The following MSI2 variants were observed in gnomAD, a reference collection of about 807,000 sequenced individuals.
The protein encoded by MSI2 is musashi RNA binding protein 2.
MSI2 carries 17 observed loss-of-function variants against 45.6 expected under a neutral mutation model. That is an observed-to-expected ratio of 0.37 (90% confidence interval 0.26 to 0.56). MSI2 has a LOEUF of 0.56. Ranked by LOEUF, MSI2 falls within the 20% of genes least tolerant of loss-of-function variation. The pLI, the probability that MSI2 is intolerant of heterozygous loss-of-function variation, is 0.77. For synonymous variants in MSI2, 156 were observed against 158.2 expected, an observed-to-expected ratio of 0.99 and a Z score of 0.11; for missense variants, 293 against 444.2, an observed-to-expected ratio of 0.66 and a Z score of 3.06.
At chr17:57,332,231 G>A (rs1054394682) in intron 5 of MSI2, among the ~76,000 whole-genome samples, 1 of 152,054 alleles carries the variant, frequency 6.6e-6, no homozygotes, top group African/African-American at 2.4e-5. Context: ...CTCCCTAGGA[G>A]CTGGGATTAC....
chr17:57,607,560 A>G (rs1162498722), intron 8 of MSI2, among the ~76,000 whole-genome samples: 1 of 152,226 alleles, frequency 6.6e-6, no homozygotes, highest in African/African-American at 2.4e-5. Context: ...GTGCCTGATT[A>G]TGATGTCTGA....
At chr17:57,485,396 G>A (rs1355085108) in intron 6 of MSI2, among the ~76,000 whole-genome samples, 1 of 152,162 alleles carries the variant, frequency 6.6e-6, no homozygotes, top group Non-Finnish European at 1.5e-5. Context: ...GTCCATGTTG[G>A]CCTGTTGTTT....
intron 11 of MSI2, among the ~76,000 whole-genome samples, chr17:57,656,877 G>A (rs1911635144): frequency 6.6e-6 from 1 of 152,164 alleles, no homozygotes; most frequent in Non-Finnish European, 1.5e-5. Context: ...CTACATTTGT[G>A]GTGACAAGCC....
chr17:57,599,158 C>T (rs1905574581), intron 8 of MSI2, among the ~76,000 whole-genome samples: 1 of 152,190 alleles, frequency 6.6e-6, no homozygotes, highest in Non-Finnish European at 1.5e-5. Flanking sequence ...TCAGGAAAGG[C>T]CAGATGTAGA....
intron 6 of MSI2, among the ~76,000 whole-genome samples, chr17:57,521,009 T>C (rs750414947): frequency 5.3e-5 from 8 of 152,136 alleles, no homozygotes; most frequent in Non-Finnish European, 8.8e-5. Context: ...TGTTAGTCAG[T>C]AAAGGCCTGG....
intron 6 of MSI2, among the ~76,000 whole-genome samples, chr17:57,427,851 A>G (rs2143352509): frequency 6.6e-6 from 1 of 152,104 alleles, no homozygotes; most frequent in East Asian, 1.9e-4. Flanking sequence ...TAAAGAGCAC[A>G]TAGTTCCTTA....
In MSI2 at chr17:57,671,217, C is replaced by G. The variant is rs73994138; in HGVS notation, c.791-3755C>G. ...TGCCATCCTAGAGCAGGGCTTGTCC[C>G]AAGCCACTTAATGCTCATAGCTCCT... On this transcript the variant is annotated intron_variant, in intron 11 of 13. Coordinates refer to ENST00000284073, the MANE Select transcript of MSI2 (RefSeq NM_138962.4). Among the ~76,000 whole-genome samples, 323 of 152,314 alleles carry G rather than the reference C, an allele frequency of 2.1e-3. 4 individuals carry two copies. Among genetic ancestry groups the G allele is most frequent in the Middle Eastern group, 0.01 (3 of 294 alleles).
intron 10 of MSI2, among the ~76,000 whole-genome samples, chr17:57,650,863 G>A (rs4793885): frequency 0.15 from 23,549 of 152,092 alleles, 2,221 homozygotes; most frequent in East Asian, 0.39. Context: ...TCTGCTCCCT[G>A]CCCTTGACGG....
intron 6 of MSI2, chr17:57,523,696 G>A (rs542518847): frequency 2.6e-5 from 4 of 152,324 alleles, no homozygotes; most frequent in African/African-American, 9.6e-5. Context: ...ACACCTTAAT[G>A]CCTGTGTTCC....
intron 5 of MSI2, among the ~76,000 whole-genome samples, chr17:57,387,160 A>G (rs1035820918): frequency 6.6e-6 from 1 of 152,184 alleles, no homozygotes; most frequent in Admixed American, 6.5e-5. Flanking sequence ...ATTGGGGAAT[A>G]TATCTTTTCC....
At chr17:57,508,455 A>G (rs1264459859) in intron 6 of MSI2, among the ~76,000 whole-genome samples, 1 of 152,206 alleles carries the variant, frequency 6.6e-6, no homozygotes, top group Admixed American at 6.5e-5. Context: ...CTTAAATCTC[A>G]TTTTAAAGTG....
At chr17:57,550,075 G>GC (rs1425386351) in intron 7 of MSI2, among the ~76,000 whole-genome samples, 2 of 152,148 alleles carry the variant, frequency 1.3e-5, no homozygotes, top group Non-Finnish European at 2.9e-5. Context: ...CCCCATCCCC[G>GC]CCTTAGTTGT....
downstream of MSI2, among the ~76,000 whole-genome samples, chr17:57,687,300 C>G (rs1445418234): frequency 6.8e-6 from 1 of 147,922 alleles, no homozygotes; most frequent in Non-Finnish European, 1.5e-5. Context: ...ACCAAAAAAA[C>G]TAGAAAAAAA....
At chr17:57,468,917 T>C (rs994143488) in intron 6 of MSI2, among the ~76,000 whole-genome samples, 1 of 152,154 alleles carries the variant, frequency 6.6e-6, no homozygotes, top group Non-Finnish European at 1.5e-5. Flanking sequence ...TTTGTTCTTA[T>C]AACTGACCCT....
chr17:57,330,403 G>C (rs1321230223), intron 5 of MSI2, among the ~76,000 whole-genome samples: 2 of 151,334 alleles, frequency 1.3e-5, no homozygotes, highest in African/African-American at 4.9e-5. Context: ...TCCTGCCTCA[G>C]CCTCCCTAGT....
intron 6 of MSI2, among the ~76,000 whole-genome samples, chr17:57,456,475 A>G (rs1349155979): frequency 6.6e-6 from 1 of 152,154 alleles, no homozygotes; most frequent in Admixed American, 6.5e-5. Flanking sequence ...AGGCACCTGT[A>G]ATCCCAGCTA....
At chr17:57,504,249 T>A (rs972543289) in intron 6 of MSI2, among the ~76,000 whole-genome samples, 7 of 152,180 alleles carry the variant, frequency 4.6e-5, no homozygotes, top group Non-Finnish European at 7.4e-5. Context: ...TTGCTAGCTC[T>A]TGAGGCTGTG....
chr17:57,586,556 C>G (rs1419924584), intron 7 of MSI2, among the ~76,000 whole-genome samples: 1 of 151,878 alleles, frequency 6.6e-6, no homozygotes, highest in African/African-American at 2.4e-5. Flanking sequence ...TAAAGTGGAA[C>G]TTAATTGCTT....
chr17:57,353,582 G>A (rs1431615999), intron 5 of MSI2, among the ~76,000 whole-genome samples: 3 of 152,180 alleles, frequency 2.0e-5, no homozygotes, highest in Middle Eastern at 3.2e-3. Flanking sequence ...GGAGATGTAG[G>A]TGGTACCAGT....
Sources: allele counts gnomAD v4.1 joint callset (sites outside exome capture counted in the v4.1 genomes callset), GRCh38; gene constraint gnomAD v4.1.1; transcripts MANE v1.5; gene names NCBI Gene and HGNC (gene_info 2026-07-23, HGNC 2026-07-21).